The following CCDC66 variants were observed in gnomAD, a reference collection of about 807,000 sequenced individuals.
CCDC66 encodes coiled-coil domain containing 66.
A neutral mutation model predicts 128.3 loss-of-function variants in CCDC66; 133 were observed. That is an observed-to-expected ratio of 1.04 (90% confidence interval 0.90 to 1.20). CCDC66 has a LOEUF of 1.20. Ranked by LOEUF, CCDC66 falls within the 50% of genes most tolerant of loss-of-function variation. CCDC66 has a pLI of 0.00. For missense variants in CCDC66, 1,126 were observed against 1,075.5 expected, an observed-to-expected ratio of 1.05 and a Z score of -0.66; for synonymous variants, 387 against 357.0, an observed-to-expected ratio of 1.08 and a Z score of -0.95.
intron 6 of CCDC66, chr3:56,570,251 T>C (rs186875615): frequency 6.6e-6 from 1 of 152,336 alleles, no homozygotes; most frequent in Admixed American, 6.5e-5. Flanking sequence ...TTATACAACA[T>C]TGAATTTTGT....
chr3:56,573,469 C>T (rs371093142), intron 7 of CCDC66, among the ~76,000 whole-genome samples: 261 of 152,218 alleles, frequency 1.7e-3, no homozygotes, highest in Non-Finnish European at 2.8e-3. Context: ...GCTGAATATA[C>T]GTATTTAATA....
intron 9 of CCDC66, 60 bp from the exon 10 acceptor site, chr3:56,593,884 T>C: frequency 1.3e-6 from 2 of 1,592,824 alleles, no homozygotes; most frequent in Non-Finnish European, 1.7e-6. Context: ...ACAAAAATGA[T>C]TTAGCTTGTT....
At chr3:56,592,266 A>G (rs1258257410) in intron 7 of CCDC66, among the ~76,000 whole-genome samples, 5 of 152,242 alleles carry the variant, frequency 3.3e-5, no homozygotes, top group South Asian at 2.1e-4. Flanking sequence ...TCCAAAGACA[A>G]TATTCCAAAT....
At chr3:56,620,356 ATAC>A (rs2076253613) in intron 17 of CCDC66, 1 of 153,078 alleles carries the variant, frequency 6.5e-6, no homozygotes, top group East Asian at 1.9e-4. Flanking sequence ...CTTACTCACC[ATAC>A]TACTTTTTCT....
rs182890625 is a variant in CCDC66 at position 56,578,932 on chromosome 3, G to A, written c.936+7630G>A. ...GGATGATGTTGGTCTCATAAAATGAGTTAGGGAGGATTCCCTCTTTTTCTA... is the reference window on the plus strand; with the variant it reads ...GGATGATGTTGGTCTCATAAAATGAATTAGGGAGGATTCCCTCTTTTTCTA... On this transcript the variant is annotated intron_variant, in intron 7 of 17. Transcript: ENST00000394672. 2.4e-3 allele frequency among the ~76,000 whole-genome samples: 359 copies of A among 151,998 alleles called. 6 individuals carry two copies. Among genetic ancestry groups the A allele is most frequent in the African/African-American group, 7.6e-3 (317 of 41,540 alleles).
At chr3:56,560,897 C>T (rs1451969069) in intron 3 of CCDC66, 3 of 456,572 alleles carry the variant, frequency 6.6e-6, no homozygotes, top group East Asian at 7.0e-5. Context: ...GGATAGAACC[C>T]AGTTTGGATG....
At chr3:56,588,437 C>T (rs1011936116) in intron 7 of CCDC66, among the ~76,000 whole-genome samples, 1 of 152,112 alleles carries the variant, frequency 6.6e-6, no homozygotes, top group African/African-American at 2.4e-5. Context: ...CCACCTGTTC[C>T]CCCAAAACCT....
Position 56,562,874 on chromosome 3 carries a change from T to G in CCDC66, c.103-810T>G, listed in dbSNP as rs541563386. On this transcript the variant is annotated intron_variant, in intron 3 of 17. Coordinates refer to ENST00000394672, the MANE Select transcript of CCDC66 (RefSeq NM_001141947.3). ...GTTGGCCAGGCTGGCCTTGAACTCC[T>G]GACCTCAGGCAATCCACCCACCTCG... is the stretch of plus-strand genomic sequence containing the variant. 1.2e-4 allele frequency among the ~76,000 whole-genome samples: 18 copies of G among 151,570 alleles called. 1 individual carries two copies. Among genetic ancestry groups the G allele is most frequent in the Admixed American group, 1.1e-3 (16 of 15,220 alleles).
Position 56,619,529 on chromosome 3 carries a change from T to G in CCDC66, c.2635+2T>G. 1.9e-6 allele frequency: 3 copies of G among 1,601,172 alleles called. No homozygotes were observed. Among genetic ancestry groups the G allele is most frequent in the Non-Finnish European group, 2.6e-6 (3 of 1,175,280 alleles). On this transcript the variant is annotated splice_donor_variant, in intron 16 of 17. Coordinates refer to ENST00000394672, the MANE Select transcript of CCDC66 (RefSeq NM_001141947.3). LOFTEE classifies it high-confidence loss of function. The stretch of plus-strand genomic sequence containing the variant: ...ACCCTCAGTACCAAAATTCACAAGG[T>G]AAGTAAATATTAAGCATTCTAACTG...
chr3:56,615,458 G>A, intron 12 of CCDC66, 186 bp downstream of exon 12: 1 of 571,562 alleles, frequency 1.7e-6, no homozygotes, highest in East Asian at 3.4e-5. Flanking sequence ...TGCCCAGGCT[G>A]GTCTTGCTGC....
At chr3:56,599,444 G>T (rs2072752601) in intron 10 of CCDC66, among the ~76,000 whole-genome samples, 1 of 151,832 alleles carries the variant, frequency 6.6e-6, no homozygotes, top group Non-Finnish European at 1.5e-5. Context: ...CCACTAATTT[G>T]GGGTTTGTTC....
chr3:56,585,659 A>G (rs2069557895), intron 7 of CCDC66, among the ~76,000 whole-genome samples: 2 of 151,826 alleles, frequency 1.3e-5, no homozygotes. Context: ...AACAAAAATC[A>G]AAGTAACCTT....
chr3:56,612,883 T>G (rs1487196895), intron 10 of CCDC66, among the ~76,000 whole-genome samples: 2 of 152,102 alleles, frequency 1.3e-5, no homozygotes, highest in Non-Finnish European at 2.9e-5. Flanking sequence ...TCCCAAGGTG[T>G]TGTGTGCAGT....
At position 56,563,827 on chromosome 3, in the gene CCDC66, T is replaced by G. The variant is rs1437154172; in HGVS notation, c.246T>G (p.Gly82=). 4 of 1,560,634 alleles carry G rather than the reference T, an allele frequency of 2.6e-6. No individual in the cohort carries two copies. The highest frequency in any genetic ancestry group is 1.4e-5 in the African/African-American group (1 of 73,220). The change falls in exon 4 of 18, where the codon GGT becomes GGG. Residue 82 remains glycine, a synonymous_variant. Coordinates refer to ENST00000394672, the MANE Select transcript of CCDC66 (RefSeq NM_001141947.3). ...GTTCAGAAACATCACAGGCAAAAGG[T>G]GAAAAAAATGGAATGACTTTTTCAT... ...PVGSETSQAK[G]EKNGMTFSST... is the part of the protein sequence containing the mutation.
intron 17 of CCDC66, chr3:56,620,727 T>C (rs2076362324): frequency 6.6e-6 from 1 of 152,246 alleles, no homozygotes; most frequent in Admixed American, 6.5e-5. Context: ...TCTTGCTTAG[T>C]GGAGACAAAA....
intron 10 of CCDC66, among the ~76,000 whole-genome samples, chr3:56,608,030 T>C (rs2074301509): frequency 2.6e-5 from 4 of 152,244 alleles, no homozygotes; most frequent in Admixed American, 6.5e-5. Flanking sequence ...TTAGATTCAG[T>C]TAGCTAGTAT....
intron 10 of CCDC66, among the ~76,000 whole-genome samples, chr3:56,601,535 T>G (rs1431335915): frequency 6.6e-6 from 1 of 152,104 alleles, no homozygotes; most frequent in Non-Finnish European, 1.5e-5. Flanking sequence ...TTGATGGGGA[T>G]AGCATTGAAT....
rs867319333 is a variant in CCDC66 at position 56,584,083 on chromosome 3, C to T, written c.937-8887C>T. 9.6e-4 allele frequency among the ~76,000 whole-genome samples: 117 copies of T among 122,268 alleles called. 1 individual carries two copies. Among genetic ancestry groups the T allele is most frequent in the South Asian group, 2.8e-3 (11 of 3,940 alleles). The allele number at this position is 122,268 out of a possible 152,430, so 80.2% of individuals were successfully genotyped here. A position where few individuals can be genotyped will look rare whatever the true frequency, so the allele number is the denominator to read the frequency against. On this transcript the variant is annotated intron_variant, in intron 7 of 17. Coordinates refer to ENST00000394672, the MANE Select transcript of CCDC66 (RefSeq NM_001141947.3). ...CGGGGGCTGCCCCCCACCTCCCTCC[C>T]GGACGGGGCGGCTGGCCGGGCGGGG... is the stretch of plus-strand genomic sequence containing the variant.
chr3:56,615,088 T>C (rs759071314), intron 11 of CCDC66, 40 bp from the exon 12 acceptor site: 21 of 1,594,772 alleles, frequency 1.3e-5, no homozygotes, highest in Non-Finnish European at 1.8e-5. Context: ...AGTCTTTGTA[T>C]GTTTAATAGA....
Sources: gnomAD v4.1 joint callset for allele counts (sites outside exome capture counted in the v4.1 genomes callset) on GRCh38, gnomAD v4.1.1 for gene constraint, MANE v1.5 for transcripts, NCBI Gene and HGNC (gene_info 2026-07-23, HGNC 2026-07-21) for gene names.